The following DNAJC13 variants were observed in gnomAD, a reference collection of about 807,000 sequenced individuals.
DNAJC13 encodes DnaJ heat shock protein family (Hsp40) member C13, also known as dnaJ homolog subfamily C member 13.
Under a neutral mutation model 290.5 loss-of-function variants are expected in DNAJC13, and 75 were observed. The ratio of observed to expected loss-of-function variants is 0.26; its 90% CI spans 0.21 to 0.31. The LOEUF (loss-of-function observed/expected upper bound fraction) is 0.31. Ranked by LOEUF, DNAJC13 falls within the 10% of genes least tolerant of loss-of-function variation. The probability of loss-of-function intolerance (pLI) is 1.00; values close to 1 mark genes in which losing one functional copy is unlikely to be tolerated. For missense variants in DNAJC13, 2,260 were observed against 2,674.5 expected, an observed-to-expected ratio of 0.85 and a Z score of 3.42; for synonymous variants, 862 against 892.0, an observed-to-expected ratio of 0.97 and a Z score of 0.60.
intron 1 of DNAJC13, among the ~76,000 whole-genome samples, chr3:132,427,672 G>T (rs1482677451): frequency 6.6e-6 from 1 of 152,116 alleles, no homozygotes; most frequent in Non-Finnish European, 1.5e-5. Flanking sequence ...TAGAGGGATT[G>T]AAATTAATAA....
chr3:132,469,125 C>A (rs1275486398), intron 20 of DNAJC13, among the ~76,000 whole-genome samples: 1 of 152,158 alleles, frequency 6.6e-6, no homozygotes, highest in Non-Finnish European at 1.5e-5. Flanking sequence ...TCAAGAAGAT[C>A]TTTTGGTTAG....
At chr3:132,489,042 G>A (rs1020888794) in intron 31 of DNAJC13, 21 bp downstream of exon 31, 1 of 1,602,872 alleles carries the variant, frequency 6.2e-7, no homozygotes, top group Non-Finnish European at 8.5e-7. Context: ...TTAATCCTCT[G>A]AATACTTAAC....
At position 132,418,777 on chromosome 3, in the gene DNAJC13, A is replaced by C. The variant is rs1315467195; in HGVS notation, c.-14+1017A>C. Among the ~76,000 whole-genome samples the C allele has an allele frequency of 2.6e-5, 4 of 152,198 alleles. No individual in the cohort carries two copies. In the South Asian group the frequency reaches 8.3e-4, roughly 32 times the overall value. On this transcript the variant is annotated intron_variant, in intron 1 of 55. Coordinates refer to ENST00000260818, the MANE Select transcript of DNAJC13 (RefSeq NM_015268.4). ...GCCCCCAGTAATTCTTTCTTACTAT[A>C]TTTTCTTTCTCAGTTTATGGACTTG...
At chr3:132,529,262 C>T (rs1033342841) in intron 54 of DNAJC13, among the ~76,000 whole-genome samples, 1 of 152,256 alleles carries the variant, frequency 6.6e-6, no homozygotes, top group South Asian at 2.1e-4. Context: ...ATCCATGTTA[C>T]CAATGCTTCA....
intron 29 of DNAJC13, among the ~76,000 whole-genome samples, chr3:132,487,876 C>A (rs1459036673): frequency 6.6e-6 from 1 of 152,088 alleles, no homozygotes; most frequent in African/African-American, 2.4e-5. Context: ...ACTTCTGGAT[C>A]TACCTTTTAG....
rs367906363 is a variant in DNAJC13, at chr3:132,456,943, G to A, written c.1349+111G>A. 7 of 1,182,668 alleles carry A rather than the reference G, an allele frequency of 5.9e-6. No homozygotes were observed. The South Asian group carries it at 6.2e-5, about 11-fold the overall frequency. The allele number at this position is 1,182,668 out of a possible 1,614,324, so 73.3% of individuals were successfully genotyped here. ...TTGACTAAACCAGATACCTTTTATA[G>A]GGTGATATGGTACTTTATTCATGAG... On this transcript the variant is annotated intron_variant, in intron 12 of 55. Coordinates refer to ENST00000260818, the MANE Select transcript of DNAJC13 (RefSeq NM_015268.4).
At chr3:132,470,257 A>C (rs1934153257) in intron 20 of DNAJC13, among the ~76,000 whole-genome samples, 1 of 47,718 alleles carries the variant, frequency 2.1e-5, no homozygotes, top group African/African-American at 1.0e-4. Flanking sequence ...AATCCATTTA[A>C]CCCTGAGTGG....
chr3:132,429,726 A>G (rs1002581461), intron 1 of DNAJC13, among the ~76,000 whole-genome samples: 3 of 152,112 alleles, frequency 2.0e-5, no homozygotes, highest in Non-Finnish European at 4.4e-5. Context: ...GAATTATTCC[A>G]CTATTTCTGG....
At chr3:132,494,349 A>T in intron 34 of DNAJC13, 90 bp downstream of exon 34, 1 of 1,035,694 alleles carries the variant, frequency 9.7e-7, no homozygotes, top group Non-Finnish European at 1.5e-6. Context: ...AATCATTTTA[A>T]AATCTTTTGC....
At chr3:132,498,618 T>C (rs1309282997) in intron 36 of DNAJC13, among the ~76,000 whole-genome samples, 1 of 152,224 alleles carries the variant, frequency 6.6e-6, no homozygotes, top group Non-Finnish European at 1.5e-5. Flanking sequence ...CAAGGGATTT[T>C]ATAGTAGGTT....
At chr3:132,469,870 C>A (rs892440588) in intron 20 of DNAJC13, among the ~76,000 whole-genome samples, 1 of 146,506 alleles carries the variant, frequency 6.8e-6, no homozygotes, top group Non-Finnish European at 1.5e-5. Flanking sequence ...GTGTTTTAAT[C>A]TATACCACTT....
In DNAJC13 at chr3:132,454,160, A is replaced by AT. The variant is rs57786343; in HGVS notation, c.932+16dup. On this transcript the variant is annotated splice_donor_region_variant and intron_variant, in intron 9 of 55. Coordinates refer to ENST00000260818, the MANE Select transcript of DNAJC13 (RefSeq NM_015268.4). ...CGGAAATATTCTTCAACAGAGAGGT[A>AT]TTTTTTTTTTTTTAAGTTTTTGAAA... The AT allele has an allele frequency of 0.017, 21,148 of 1,274,210 alleles. 7 individuals carry two copies. Among genetic ancestry groups the AT allele is most frequent in the African/African-American group, 0.028 (1,822 of 66,082 alleles). 78.9% of individuals were successfully genotyped at this position (1,274,210 alleles called of 1,614,324 possible). A position where few individuals can be genotyped will look rare whatever the true frequency, so the allele number is the denominator to read the frequency against.
At position 132,492,441 on chromosome 3, in the gene DNAJC13, C is replaced by G; in HGVS notation, c.3651C>G (p.Ala1217=). The G allele has an allele frequency of 1.2e-6, 2 of 1,613,786 alleles. No homozygotes were observed. The highest frequency in any genetic ancestry group is 1.7e-6 in the Non-Finnish European group (2 of 1,179,818). ...GCCTGATGATAGAGAAGATTGCTGC[C>G]CATCTCGCGGATTTCACACCTCGTC... The part of the protein sequence containing the change: ...MRRLMIEKIA[A]HLADFTPRLQ... Residue 1217 remains alanine, a synonymous_variant, in exon 33 of 56, where the codon GCC becomes GCG. Coordinates refer to ENST00000260818, the MANE Select transcript of DNAJC13 (RefSeq NM_015268.4).
intron 29 of DNAJC13, among the ~76,000 whole-genome samples, chr3:132,485,798 T>A (rs1372476847): frequency 6.6e-6 from 1 of 152,244 alleles, no homozygotes; most frequent in Non-Finnish European, 1.5e-5. Flanking sequence ...CACCAAAATA[T>A]CTTTTTCTTT....
Position 132,483,520 on chromosome 3 carries a change from A to G in DNAJC13, c.3125A>G (p.Asp1042Gly), listed in dbSNP as rs1934750950. ...ASGQAVLNETDLATLILNMLI... is the reference protein window; with the variant it reads ...ASGQAVLNETGLATLILNMLI... ...GGACAGGCTGTCCTGAATGAAACTG[A>G]CCTTGCTACCCTTATATTGAACATG... Residue 1042 changes from aspartate (D) to glycine (G), a missense_variant, in exon 28 of 56, where the codon GAC (aspartate) becomes GGC (glycine). By Grantham distance (94) the Asp-to-Gly change is moderately conservative (BLOSUM62 -1). Coordinates refer to ENST00000260818, the MANE Select transcript of DNAJC13 (RefSeq NM_015268.4). 6.2e-7 allele frequency: 1 copy of G among 1,613,970 alleles called. No homozygotes were observed. Among genetic ancestry groups the G allele is most frequent in the African/African-American group, 1.3e-5 (1 of 74,902 alleles).
intron 43 of DNAJC13, 133 bp from the exon 44 acceptor site, chr3:132,510,934 G>T: frequency 1.1e-6 from 1 of 933,996 alleles, no homozygotes; most frequent in South Asian, 1.7e-5. Context: ...CCCCTATAGT[G>T]CATAGGTGTA....
chr3:132,509,244 G>A (rs573717119), intron 43 of DNAJC13, among the ~76,000 whole-genome samples: 1 of 152,312 alleles, frequency 6.6e-6, no homozygotes, highest in Non-Finnish European at 1.5e-5. Flanking sequence ...GGAAGAAATT[G>A]TTTCCAGCTC....
chr3:132,459,008 AAAT>A (rs1559877768), intron 13 of DNAJC13, among the ~76,000 whole-genome samples: 1 of 152,002 alleles, frequency 6.6e-6, no homozygotes, highest in African/African-American at 2.4e-5. Context: ...GCTGTTTAAT[AAAT>A]AATGATTAAT....
chr3:132,448,239 C>A (rs906960630), intron 5 of DNAJC13, among the ~76,000 whole-genome samples: 2 of 152,100 alleles, frequency 1.3e-5, no homozygotes, highest in Non-Finnish European at 2.9e-5. Flanking sequence ...AACAGTAATA[C>A]CAGAGAACGT....
Sources: allele counts gnomAD v4.1 joint callset (sites outside exome capture counted in the v4.1 genomes callset), GRCh38; gene constraint gnomAD v4.1.1; transcripts MANE v1.5; gene names NCBI Gene and HGNC (gene_info 2026-07-23, HGNC 2026-07-21).